ADD1: variants seen among roughly 807,000 people sequenced by gnomAD.
The protein encoded by ADD1 is alpha-adducin.
A neutral mutation model predicts 80.5 loss-of-function variants in ADD1; 24 were observed. That is an observed-to-expected ratio of 0.30 (90% CI 0.22 to 0.42). The LOEUF (loss-of-function observed/expected upper bound fraction) is 0.42. ADD1 is among the 10% of genes least tolerant of loss of function. ADD1 has a pLI of 1.00. For missense variants in ADD1, 948 were observed against 1,019.0 expected (o/e 0.93, Z 0.95); for synonymous variants, 373 against 393.8 (o/e 0.95, Z 0.63).
At chr4:2,909,467 G>A (rs112473528) in intron 13 of ADD1, 36 bp downstream of exon 13, 11 of 1,497,816 alleles carry the variant, frequency 7.3e-6, no homozygotes, top group East Asian at 2.5e-5. Context: ...CTGTCTATGC[G>A]CCTTGCTCCC....
At chr4:2,895,440 G>A (rs1197865650) in intron 6 of ADD1, among the ~76,000 whole-genome samples, 5 of 151,956 alleles carry the variant, frequency 3.3e-5, no homozygotes, top group Non-Finnish European at 7.4e-5. Flanking sequence ...CTGTGGGCTC[G>A]GGGAAGGGTG....
At chr4:2,923,505 C>T (rs1050565025) in intron 14 of ADD1, among the ~76,000 whole-genome samples, 1 of 152,238 alleles carries the variant, frequency 6.6e-6, no homozygotes, top group African/African-American at 2.4e-5. Context: ...GAGCCAGGTA[C>T]CTCAGTTGGA....
In ADD1 at chr4:2,909,441, G is replaced by A; in HGVS notation, c.1791+10G>A. On this transcript the variant is annotated intron_variant, in intron 13 of 15. Transcript: ENST00000683351. ...TCTCTCTTTTAGAAAGGTACTCACT[G>A]CCCTGTCCTCACTACCTGTCTATGC... The A allele has an allele frequency of 6.5e-7, 1 of 1,544,426 alleles. No homozygotes were observed. The highest frequency in any genetic ancestry group is 8.8e-7 in the Non-Finnish European group (1 of 1,141,508).
At chr4:2,877,591 A>C (rs868802455) in intron 2 of ADD1, among the ~76,000 whole-genome samples, 2 of 152,134 alleles carry the variant, frequency 1.3e-5, no homozygotes, top group Middle Eastern at 6.8e-3. Flanking sequence ...TGATTAGATT[A>C]AGTGTGACTG....
intron 6 of ADD1, among the ~76,000 whole-genome samples, chr4:2,895,616 A>G (rs1291437460): frequency 6.6e-6 from 1 of 152,086 alleles, no homozygotes; most frequent in African/African-American, 2.4e-5. Context: ...GGGAGAGGAG[A>G]CACAGGCAGT....
In ADD1 at chr4:2,884,654, C is replaced by T. The variant is rs145970845; in HGVS notation, c.498C>T (p.Tyr166=). 6.1e-5 allele frequency: 98 copies of T among 1,607,414 alleles called. No individual in the cohort carries two copies. The highest frequency in any genetic ancestry group is 7.9e-5 in the Non-Finnish European group (93 of 1,176,104). The change falls in exon 4 of 16, where the codon TAC becomes TAT. Residue 166 remains tyrosine (Y), a synonymous_variant. Transcript: ENST00000683351. The stretch of plus-strand genomic sequence containing the variant: ...TCTTTGGGTGGTCTCAGCTTATCTA[C>T]AATCATATCACAGTGAGTATTAAAT... ...ADLFGWSQLI[Y]NHITTRVNSE...
chr4:2,926,541 C>G lies in ADD1; in HGVS notation c.2047+429C>G. On this transcript the variant is annotated intron_variant, in intron 15 of 15. Transcript: ENST00000683351. This position sits in a 1 kb window ranked among gnomAD's most constrained non-coding sequence, Gnocchi z 5.0. The stretch of plus-strand genomic sequence containing the variant: ...TCGTACATCCATGTCTCTCGTGAAG[C>G]CCGTGGCCCTGCCTTTCTTCTTCTG... The G allele has an allele frequency of 7.8e-7, 1 of 1,276,816 alleles. No individual in the cohort carries two copies. Among genetic ancestry groups the G allele is most frequent in the Non-Finnish European group, 1.1e-6 (1 of 893,694 alleles). The allele number at this position is 1,276,816 out of a possible 1,614,324, so 79.1% of individuals were successfully genotyped here. A position where few individuals can be genotyped will look rare whatever the true frequency, so the allele number is the denominator to read the frequency against.
At chr4:2,922,796 C>T (rs1036674222) in intron 14 of ADD1, among the ~76,000 whole-genome samples, 1 of 152,210 alleles carries the variant, frequency 6.6e-6, no homozygotes, top group African/African-American at 2.4e-5. Context: ...CTATAAGCCC[C>T]TGACTGGGGC....
Position 2,884,593 on chromosome 4 carries a change from G to A in ADD1, c.437G>A (p.Arg146Gln). ...IAYDKGEKLL[R>Q]CKLAAFYRLA... ...TATGACAAAGGAGAGAAGTTATTAC[G>A]GTGTAAATTGGCAGCGTTTTATAGA... Residue 146 changes from arginine to glutamine, a missense_variant, in exon 4 of 16, where the codon CGG (arginine) becomes CAG (glutamine). By Grantham distance (43) the Arg-to-Gln change is conservative. Coordinates refer to ENST00000683351, the MANE Select transcript of ADD1 (RefSeq NM_001354761.2). The A allele has an allele frequency of 2.5e-6, 4 of 1,613,390 alleles. No individual in the cohort carries two copies. Among genetic ancestry groups the A allele is most frequent in the Non-Finnish European group, 3.4e-6 (4 of 1,179,552 alleles).
At chr4:2,888,159 A>C (rs1733697491) in intron 4 of ADD1, among the ~76,000 whole-genome samples, 1 of 151,210 alleles carries the variant, frequency 6.6e-6, no homozygotes, top group East Asian at 2.0e-4. Context: ...GCCTCGGTTC[A>C]AGTGATCCTC....
intron 14 of ADD1, among the ~76,000 whole-genome samples, chr4:2,917,043 T>C (rs1739202820): frequency 6.6e-6 from 1 of 152,254 alleles, no homozygotes; most frequent in Non-Finnish European, 1.5e-5. Context: ...CCTTTGGTTA[T>C]ATACCCAGTA....
chr4:2,854,754 G>A (rs1426369900), intron 1 of ADD1: 1 of 152,136 alleles, frequency 6.6e-6, no homozygotes, highest in African/African-American at 2.4e-5. Flanking sequence ...TTTTCAGACT[G>A]TCTGTGTTCT....
intron 10 of ADD1, chr4:2,905,417 A>C: frequency 2.7e-6 from 1 of 373,938 alleles, no homozygotes; most frequent in Non-Finnish European, 4.9e-6. Context: ...TTTAATTCAA[A>C]TTATATTCAG....
At chr4:2,873,254 A>G (rs1051723208) in intron 1 of ADD1, among the ~76,000 whole-genome samples, 17 of 152,192 alleles carry the variant, frequency 1.1e-4, no homozygotes, top group African/African-American at 3.4e-4. Context: ...GGCCTCCCAA[A>G]GTGCCAGGAT....
chr4:2,863,784 G>C (rs909745486), intron 1 of ADD1, among the ~76,000 whole-genome samples: 1 of 151,910 alleles, frequency 6.6e-6, no homozygotes, highest in Non-Finnish European at 1.5e-5. Context: ...GCCCAGGCTG[G>C]TCTCAAACTC....
intron 1 of ADD1, among the ~76,000 whole-genome samples, chr4:2,872,235 A>T (rs1181797735): frequency 6.6e-6 from 1 of 152,198 alleles, no homozygotes; most frequent in African/African-American, 2.4e-5. Flanking sequence ...TTTATTTGAA[A>T]ATATTGTTCC....
Position 2,884,685 on chromosome 4 carries a change from A to G in ADD1, c.510+19A>G, listed in dbSNP as rs1244047672. 1.3e-6 allele frequency: 2 copies of G among 1,566,886 alleles called. No individual in the cohort carries two copies. The highest frequency in any genetic ancestry group is 1.7e-6 in the Non-Finnish European group (2 of 1,149,964). ...TATCACAGTGAGTATTAAATGGGCT[A>G]GTAACTGAACGATAAATGAAATATT... On this transcript the variant is annotated intron_variant, in intron 4 of 15. Transcript: ENST00000683351.
At chr4:2,894,258 G>T (rs1283991135) in intron 5 of ADD1, among the ~76,000 whole-genome samples, 165 bp downstream of exon 5, 1 of 152,202 alleles carries the variant, frequency 6.6e-6, no homozygotes, top group East Asian at 1.9e-4. Context: ...TACAAATATT[G>T]TAATCTTGAG....
chr4:2,885,320 C>T (rs952427353), intron 4 of ADD1, among the ~76,000 whole-genome samples: 4 of 152,200 alleles, frequency 2.6e-5, no homozygotes, highest in Non-Finnish European at 2.9e-5. Flanking sequence ...CCCACCAGAG[C>T]CCATTACCTT....
Sources: allele counts gnomAD v4.1 joint callset (sites outside exome capture counted in the v4.1 genomes callset), GRCh38; gene constraint gnomAD v4.1.1; non-coding constraint Gnocchi (gnomAD v3.1); transcripts MANE v1.5; gene names NCBI Gene and HGNC (gene_info 2026-07-23, HGNC 2026-07-21).